Variants in PIAS1 observed in about 807,000 individuals in gnomAD.
PIAS1 encodes the protein E3 SUMO-protein ligase PIAS1.
Under a neutral mutation model 71.3 loss-of-function variants are expected in PIAS1, and 6 were observed. That is an observed-to-expected ratio of 0.08 (90% CI 0.05 to 0.17). The LOEUF (loss-of-function observed/expected upper bound fraction) is 0.17. Ranked by LOEUF, PIAS1 falls within the 10% of genes least tolerant of loss-of-function variation. PIAS1 has a pLI of 1.00. For missense variants in PIAS1, 555 were observed against 793.6 expected (o/e 0.70, Z 3.61); for synonymous variants, 303 against 292.9 (o/e 1.03, Z -0.35).
At chr15:68,164,607 T>C (rs955018944) in intron 7 of PIAS1, 124 bp from the exon 8 acceptor site, 60 of 504,900 alleles carry the variant, frequency 1.2e-4, no homozygotes, top group Non-Finnish European at 1.8e-4. Flanking sequence ...ATCTTTCCAT[T>C]CAATTGATTG....
At chr15:68,068,776 C>T in intron 1 of PIAS1, among the ~76,000 whole-genome samples, 1 of 151,380 alleles carries the variant, frequency 6.6e-6, no homozygotes, top group East Asian at 2.0e-4. Context: ...GAAAAGTGCT[C>T]AGGCTTATGT....
Position 68,187,504 on chromosome 15 carries a change from T to G in PIAS1, c.1663-38T>G. 2 of 1,566,668 alleles carry G rather than the reference T, an allele frequency of 1.3e-6. No homozygotes were observed. Among genetic ancestry groups the G allele is most frequent in the South Asian group, 2.2e-5 (2 of 89,670 alleles). ...GAGAAAATATATTAATTTGGAAGTA[T>G]AATTAACATTTTTGTGTCTTTTGTT... On this transcript the variant is annotated intron_variant, in intron 13 of 13. Coordinates refer to ENST00000249636, the MANE Select transcript of PIAS1 (RefSeq NM_016166.3). The surrounding 1 kb of genome is among the most constrained non-coding windows in gnomAD (Gnocchi z 5.3).
chr15:68,136,094 A>C (rs1222537737), intron 2 of PIAS1, among the ~76,000 whole-genome samples: 7 of 53,578 alleles, frequency 1.3e-4, no homozygotes, highest in South Asian at 4.8e-4. Context: ...GGCGGCCGGG[A>C]AGAGGCACTC....
chr15:68,057,669 T>TG, intron 1 of PIAS1: 1 of 261,198 alleles, frequency 3.8e-6, no homozygotes, highest in South Asian at 3.5e-5. Context: ...TTGTCTGCTT[T>TG]TATTTCAGAT....
rs372557340 is a variant in PIAS1 at position 68,160,781 on chromosome 15, A to C, written c.935-3950A>C. Among the ~76,000 whole-genome samples the C allele has an allele frequency of 1.1e-3, 168 of 152,332 alleles. 1 individual carries two copies. The highest frequency in any genetic ancestry group is 3.9e-3 in the African/African-American group (163 of 41,568). On this transcript the variant is annotated intron_variant, in intron 7 of 13. Coordinates refer to ENST00000249636, the MANE Select transcript of PIAS1 (RefSeq NM_016166.3). ...TCCATTCATGATAAAACTGTCAGCA[A>C]AATCGAGAAGGGAGCTGCCTCAGTG... is the stretch of plus-strand genomic sequence containing the variant.
chr15:68,057,402 TTAAAG>T lies in PIAS1; in HGVS notation c.24+3056_24+3060del, dbSNP rs1370265552. ...AGCTGACAGCTTCATGAAACTCCTC[TTAAAG>T]TAATTTAAAAAAAAATATGTGTTTT... On this transcript the variant is annotated intron_variant, in intron 1 of 13. Coordinates refer to ENST00000249636, the MANE Select transcript of PIAS1 (RefSeq NM_016166.3). The T allele has an allele frequency of 1.8e-5, 7 of 390,360 alleles. No individual in the cohort carries two copies. The Admixed American group carries it at 2.1e-4, about 12-fold the overall frequency. The allele number at this position is 390,360 out of a possible 1,614,324, so 24.2% of individuals were successfully genotyped here.
Position 68,088,569 on chromosome 15 carries a change from C to T in PIAS1, c.469+1819C>T, listed in dbSNP as rs1371474061. Among the ~76,000 whole-genome samples, 3 of 152,092 alleles carry T rather than the reference C, an allele frequency of 2.0e-5. No homozygotes were observed. In the East Asian group the frequency reaches 5.8e-4, roughly 29 times the overall value. ...TGATATGTAAATAGATTTTCAGTAT[C>T]TCATCGTTATAGAATTAAAAACAAA... On this transcript the variant is annotated intron_variant, in intron 2 of 13. Transcript: ENST00000249636.
At chr15:68,058,492 A>G (rs553804319) in intron 1 of PIAS1, among the ~76,000 whole-genome samples, 22 of 152,318 alleles carry the variant, frequency 1.4e-4, no homozygotes, top group African/African-American at 5.1e-4. Context: ...ACTTGAGCCT[A>G]GGTCTTGTGT....
intron 1 of PIAS1, among the ~76,000 whole-genome samples, chr15:68,060,969 A>C (rs1597112523): frequency 2.0e-5 from 3 of 152,366 alleles, no homozygotes; most frequent in Admixed American, 2.0e-4. Context: ...GGCGTGAGCC[A>C]CCGTGCCTGG....
intron 2 of PIAS1, among the ~76,000 whole-genome samples, chr15:68,119,610 G>A (rs1256409859): frequency 3.3e-5 from 5 of 152,150 alleles, no homozygotes; most frequent in Non-Finnish European, 7.4e-5. Flanking sequence ...CTTGGTAAAT[G>A]TTCTGTGTGC....
intron 1 of PIAS1, among the ~76,000 whole-genome samples, chr15:68,059,537 C>A (rs936994821): frequency 2.6e-5 from 4 of 151,228 alleles, no homozygotes; most frequent in Non-Finnish European, 5.9e-5. Flanking sequence ...TAGTGAAACC[C>A]CGTCTCTACT....
At chr15:68,165,473 C>G (rs1010210055) in intron 8 of PIAS1, among the ~76,000 whole-genome samples, 2 of 152,142 alleles carry the variant, frequency 1.3e-5, no homozygotes, top group African/African-American at 4.8e-5. Context: ...GCCATGATTA[C>G]CCACACATCT....
chr15:68,063,428 AG>A (rs1567023091), intron 1 of PIAS1, among the ~76,000 whole-genome samples: 1 of 152,202 alleles, frequency 6.6e-6, no homozygotes, highest in Non-Finnish European at 1.5e-5. Flanking sequence ...TTACCCAAGA[AG>A]GGGACTGAAG....
Position 68,085,215 on chromosome 15 carries a change from G to A in PIAS1, c.25-1091G>A, listed in dbSNP as rs1019489715. Among the ~76,000 whole-genome samples, 12 of 152,210 alleles carry A rather than the reference G, an allele frequency of 7.9e-5. No individual in the cohort carries two copies. The South Asian group carries it at 2.1e-3, about 26-fold the overall frequency. On this transcript the variant is annotated intron_variant, in intron 1 of 13. Coordinates refer to ENST00000249636, the MANE Select transcript of PIAS1 (RefSeq NM_016166.3). ...GAGAGCAAATGGTAAGCTTACATGT[G>A]TCTTTTTATCCTAATACTCCCTGTC...
At chr15:68,116,767 A>G (rs985152497) in intron 2 of PIAS1, among the ~76,000 whole-genome samples, 2 of 151,688 alleles carry the variant, frequency 1.3e-5, no homozygotes, top group African/African-American at 4.8e-5. Flanking sequence ...AACTTGTGAT[A>G]TTTTTTGTTT....
chr15:68,076,233 G>C (rs1270915107), intron 1 of PIAS1, among the ~76,000 whole-genome samples: 2 of 152,162 alleles, frequency 1.3e-5, no homozygotes, highest in East Asian at 3.8e-4. Flanking sequence ...GAATCAGGCT[G>C]GGCGCGGTGG....
At chr15:68,154,240 A>C (rs1271372033) in intron 7 of PIAS1, among the ~76,000 whole-genome samples, 1 of 152,176 alleles carries the variant, frequency 6.6e-6, no homozygotes, top group Non-Finnish European at 1.5e-5. Flanking sequence ...CGTGTGAATT[A>C]CTGGATGGTT....
chr15:68,120,159 A>G (rs1043541878), intron 2 of PIAS1, among the ~76,000 whole-genome samples: 2 of 151,886 alleles, frequency 1.3e-5, no homozygotes, highest in African/African-American at 2.4e-5. Flanking sequence ...TGTTACCATG[A>G]TGTATCTTTT....
intron 11 of PIAS1, among the ~76,000 whole-genome samples, chr15:68,179,561 G>GTTTT (rs1307028845): frequency 7.0e-4 from 21 of 30,144 alleles, no homozygotes; most frequent in Non-Finnish European, 1.4e-3. Flanking sequence ...CTCGTGAAAT[G>GTTTT]TTCTTTTTTT....
Sources: gnomAD v4.1 joint callset for allele counts (sites outside exome capture counted in the v4.1 genomes callset) on GRCh38, gnomAD v4.1.1 for gene constraint, Gnocchi (gnomAD v3.1) non-coding constraint, MANE v1.5 for transcripts, NCBI Gene and HGNC (gene_info 2026-07-23, HGNC 2026-07-21) for gene names.